The following LRRTM1 variants were observed in gnomAD, a reference collection of about 807,000 sequenced individuals.
The protein encoded by LRRTM1 is leucine-rich repeat transmembrane neuronal protein 1.
Under a neutral mutation model 37.3 loss-of-function variants are expected in LRRTM1, and 8 were observed. The observed-to-expected ratio is 0.21, with a 90% CI of 0.13 to 0.39. LRRTM1 has a LOEUF of 0.39. LRRTM1 is among the 10% of genes least tolerant of loss of function. The pLI, the probability that LRRTM1 is intolerant of heterozygous loss-of-function variation, is 1.00. For missense variants in LRRTM1, 557 were observed against 691.0 expected, an observed-to-expected ratio of 0.81 and a Z score of 2.17; for synonymous variants, 326 against 316.8, an observed-to-expected ratio of 1.03 and a Z score of -0.31.
At chr2:80,298,758 A>G (rs903055357), downstream of LRRTM1, 1 of 152,206 alleles carries the variant, frequency 6.6e-6, no homozygotes, top group African/African-American at 2.4e-5. Context: ...TGAGAAAACT[A>G]TTTCCTTTTA....
chr2:80,293,012 G>T (rs1675399868), intron 2 of LRRTM1, among the ~76,000 whole-genome samples: 1 of 152,124 alleles, frequency 6.6e-6, no homozygotes, highest in Non-Finnish European at 1.5e-5. Flanking sequence ...GCTGCATTCT[G>T]AAAAGTCCCA....
intron 2 of LRRTM1, among the ~76,000 whole-genome samples, chr2:80,291,432 G>A (rs1675229312): frequency 6.6e-6 from 1 of 152,216 alleles, no homozygotes; most frequent in African/African-American, 2.4e-5. Context: ...GGGACATGGA[G>A]TTTGTCTCTT....
rs1483210091 is a variant in LRRTM1 at position 80,303,261 on chromosome 2, G to C, written c.559C>G (p.Leu187Val). Residue 187 changes from leucine to valine, a missense_variant, in exon 2 of 2, where the codon CTC becomes GTC. Leu to Val is a conservative substitution (Grantham distance 32). This residue lies in a region of LRRTM1 where 200 missense variants were observed against 249.9 expected (regional missense o/e 0.80). Transcript: ENST00000295057. This position sits in a 1 kb window ranked among gnomAD's most constrained non-coding sequence, Gnocchi z 7.7. The stretch of plus-strand genomic sequence containing the variant: ...TTGTATCCGATGTCGAGAAACTTGA[G>C]GCTGCGGCAGTCCTGGAAGATGCGC... ...PVRIFQDCRS[L>V]KFLDIGYNQL... 1 of 1,613,642 alleles carries C rather than the reference G, an allele frequency of 6.2e-7. No individual in the cohort carries two copies. Among genetic ancestry groups the C allele is most frequent in the Non-Finnish European group, 8.5e-7 (1 of 1,180,010 alleles).
intron 2 of LRRTM1, among the ~76,000 whole-genome samples, chr2:80,291,205 G>T (rs1234505692): frequency 2.6e-5 from 4 of 152,230 alleles, no homozygotes; most frequent in Non-Finnish European, 4.4e-5. Context: ...TCCCTTGGGG[G>T]AAGTTCATCG....
Position 80,303,923 on chromosome 2 carries a change from A to G in LRRTM1, c.-59-45T>C, listed in dbSNP as rs1676640611. 7.4e-6 allele frequency: 10 copies of G among 1,344,984 alleles called. No homozygotes were observed. Among genetic ancestry groups the G allele is most frequent in the Non-Finnish European group, 8.8e-6 (9 of 1,019,086 alleles). The allele number at this position is 1,344,984 out of a possible 1,614,324, so 83.3% of individuals were successfully genotyped here. A position where few individuals can be genotyped will look rare whatever the true frequency, so the allele number is the denominator to read the frequency against. On this transcript the variant is annotated intron_variant, in intron 1 of 1. Coordinates refer to ENST00000295057, the MANE Select transcript of LRRTM1 (RefSeq NM_178839.5). The surrounding 1 kb of genome is among the most constrained non-coding windows in gnomAD (Gnocchi z 7.7). ...GAGGGAGGGGAAGCGGGGGAGGGGG[A>G]GAAAAGGGCAAAAAATCAAATAAAT...
chr2:80,296,890 TG>T (rs1383984942), downstream of LRRTM1, among the ~76,000 whole-genome samples: 3 of 152,310 alleles, frequency 2.0e-5, no homozygotes, highest in East Asian at 5.8e-4. Flanking sequence ...GTGGCAAATT[TG>T]CCCCTGGTTG....
downstream of LRRTM1, chr2:80,299,441 G>A (rs1440151567): frequency 6.6e-6 from 1 of 151,850 alleles, no homozygotes; most frequent in Non-Finnish European, 1.5e-5. Context: ...CGTTTGTGTA[G>A]ACAACGTTTG....
downstream of LRRTM1, chr2:80,299,451 G>T (rs1242048856): frequency 4.0e-5 from 6 of 151,692 alleles, no homozygotes; most frequent in Admixed American, 3.9e-4. Flanking sequence ...GACAACGTTT[G>T]CTTGCCTACA....
downstream of LRRTM1, among the ~76,000 whole-genome samples, chr2:80,297,952 G>A (rs181436514): frequency 1.3e-5 from 2 of 151,772 alleles, no homozygotes; most frequent in African/African-American, 4.8e-5. Context: ...TTACATAATG[G>A]TCACCTGCCT....
At position 80,304,288 on chromosome 2, in the gene LRRTM1, T is replaced by C. The variant is rs1365782014; in HGVS notation, c.-196A>G. ...GCCGGCGGATCTGGCAGGCGCACAATGTCTCACTTTGCTGCTCGGCTCGGG... is the reference window on the plus strand; with the variant it reads ...GCCGGCGGATCTGGCAGGCGCACAACGTCTCACTTTGCTGCTCGGCTCGGG... On this transcript the variant is annotated 5_prime_UTR_variant, in exon 1 of 2. Coordinates refer to ENST00000295057, the MANE Select transcript of LRRTM1 (RefSeq NM_178839.5). 6.5e-6 allele frequency: 1 copy of C among 153,614 alleles called. No individual in the cohort carries two copies. The highest frequency in any genetic ancestry group is 1.5e-5 in the Non-Finnish European group (1 of 68,802). The allele number at this position is 153,614 out of a possible 1,614,324, so 9.5% of individuals were successfully genotyped here.
intron 2 of LRRTM1, among the ~76,000 whole-genome samples, chr2:80,290,589 T>C (rs1675150424): frequency 6.6e-6 from 1 of 151,204 alleles, no homozygotes; most frequent in African/African-American, 2.5e-5. Flanking sequence ...TTGAAAATAC[T>C]ATTTAGACAT....
downstream of LRRTM1, chr2:80,299,429 C>G (rs954157916): frequency 6.6e-6 from 1 of 151,380 alleles, no homozygotes; most frequent in African/African-American, 2.4e-5. Context: ...GAGCTAAATT[C>G]CCGTTTGTGT....
In LRRTM1 at chr2:80,303,742, C is replaced by A; in HGVS notation, c.78G>T (p.Gly26=). The A allele has an allele frequency of 1.9e-6, 3 of 1,596,560 alleles. No homozygotes were observed. Among genetic ancestry groups the A allele is most frequent in the Non-Finnish European group, 2.6e-6 (3 of 1,171,854 alleles). ...CGGCGGGCAGCATCTGAAAGCAGGC[C>A]CCCAGCAGACACAAGACCACCCCCG... is the stretch of plus-strand genomic sequence containing the variant. ...RPSGVVLCLL[G]ACFQMLPAAP... The change falls in exon 2 of 2, where the codon GGG becomes GGT. Residue 26 remains glycine, a synonymous_variant. Transcript: ENST00000295057. The surrounding 1 kb of genome is among the most constrained non-coding windows in gnomAD (Gnocchi z 7.7).
chr2:80,297,976 T>G (rs182664838), downstream of LRRTM1, among the ~76,000 whole-genome samples: 2 of 151,596 alleles, frequency 1.3e-5, no homozygotes, highest in African/African-American at 4.8e-5. Context: ...CGTGTATGGG[T>G]GTGTGTGTGT....
At chr2:80,289,807 A>T (rs1270040367) in intron 2 of LRRTM1, among the ~76,000 whole-genome samples, 1 of 152,202 alleles carries the variant, frequency 6.6e-6, no homozygotes, top group Non-Finnish European at 1.5e-5. Flanking sequence ...GTCAACTGAC[A>T]GGAGGGACTT....
At chr2:80,295,804 C>A (rs903711906) in intron 2 of LRRTM1, among the ~76,000 whole-genome samples, 1 of 152,178 alleles carries the variant, frequency 6.6e-6, no homozygotes, top group Admixed American at 6.6e-5. Flanking sequence ...ACCTGCCCTG[C>A]AGAAATGTTA....
At chr2:80,300,333 T>A (rs1573636475), downstream of LRRTM1, among the ~76,000 whole-genome samples, 1 of 132,596 alleles carries the variant, frequency 7.5e-6, no homozygotes, top group African/African-American at 2.7e-5. Context: ...TGTGTGTGTG[T>A]AAGAAGCTGT....
chr2:80,302,393 G>A lies in LRRTM1; in HGVS notation c.1427C>T (p.Thr476Ile). Residue 476 changes from threonine to isoleucine, a missense_variant, in exon 2 of 2, where the codon ACC becomes ATC. By Grantham distance (89) the Thr-to-Ile change is moderately conservative. Coordinates refer to ENST00000295057, the MANE Select transcript of LRRTM1 (RefSeq NM_178839.5). This position sits in a 1 kb window ranked among gnomAD's most constrained non-coding sequence, Gnocchi z 6.4. ...AGACATGGCAGCCATCTGATGCATG[G>A]TCTGTTTCTGCTTTTGCTTCCTGCG... is the stretch of plus-strand genomic sequence containing the variant. Reference protein sequence around the residue: ...TQRRKQKQKQTMHQMAAMSAQ... With the variant: ...TQRRKQKQKQIMHQMAAMSAQ... The A allele has an allele frequency of 1.2e-6, 2 of 1,614,254 alleles. No individual in the cohort carries two copies. The highest frequency in any genetic ancestry group is 2.2e-5 in the South Asian group (2 of 91,084).
chr2:80,297,056 C>T (rs1327904717), downstream of LRRTM1, among the ~76,000 whole-genome samples: 1 of 152,206 alleles, frequency 6.6e-6, no homozygotes, highest in Admixed American at 6.5e-5. Flanking sequence ...CATTTCTTCT[C>T]CTGGAACCCC....
Sources: allele counts gnomAD v4.1 joint callset (sites outside exome capture counted in the v4.1 genomes callset), GRCh38; gene constraint gnomAD v4.1.1; regional missense constraint gnomAD v4.1.1; non-coding constraint Gnocchi (gnomAD v3.1); transcripts MANE v1.5; gene names NCBI Gene and HGNC (gene_info 2026-07-23, HGNC 2026-07-21).